STARD13: variants seen among roughly 807,000 people sequenced by gnomAD.
The protein encoded by STARD13 is StAR related lipid transfer domain containing 13.
STARD13 carries 62 observed loss-of-function variants against 106.4 expected under a neutral mutation model. The ratio of observed to expected loss-of-function variants is 0.58; its 90% CI spans 0.48 to 0.72. STARD13 has a LOEUF of 0.72. Among genes scored for constraint, STARD13 ranks in the 30% least tolerant of loss-of-function variants. The probability of loss-of-function intolerance (pLI) is 0.00; values close to 1 mark genes in which losing one functional copy is unlikely to be tolerated. For missense variants in STARD13, 1,387 were observed against 1,424.0 expected (o/e 0.97, Z 0.42); for synonymous variants, 565 against 553.0 (o/e 1.02, Z -0.31).
At chr13:33,653,618 G>A in the STARD13 span, among the ~76,000 whole-genome samples, 2 of 151,956 alleles carry the variant, frequency 1.3e-5, no homozygotes, top group Admixed American at 6.6e-5. Flanking sequence ...GGCCAATTAG[G>A]CACTAGTTTC....
chr13:33,464,096 A>G, the STARD13 span, among the ~76,000 whole-genome samples: 1 of 149,864 alleles, frequency 6.7e-6, no homozygotes, highest in Non-Finnish European at 1.5e-5. Context: ...TAGAAGATCA[A>G]TGGTGACTGA....
intron 1 of STARD13, among the ~76,000 whole-genome samples, chr13:33,177,148 A>T (rs1001044694): frequency 1.3e-5 from 2 of 152,240 alleles, no homozygotes; most frequent in African/African-American, 4.8e-5. Context: ...GGAATATGAC[A>T]ACTTTTACTA....
the STARD13 span, among the ~76,000 whole-genome samples, chr13:33,497,941 G>A: frequency 6.6e-6 from 1 of 152,152 alleles, no homozygotes; most frequent in African/African-American, 2.4e-5. Flanking sequence ...ATACAGACAT[G>A]CAAAACTCTG....
intron 1 of STARD13, among the ~76,000 whole-genome samples, chr13:33,245,359 G>A (rs1056224128): frequency 6.6e-6 from 1 of 152,296 alleles, no homozygotes; most frequent in Non-Finnish European, 1.5e-5. Context: ...TTACATTCTC[G>A]CAGGAATGTT....
intron 1 of STARD13, among the ~76,000 whole-genome samples, chr13:33,213,413 A>G (rs1181370262): frequency 2.0e-5 from 3 of 152,216 alleles, no homozygotes; most frequent in Admixed American, 2.0e-4. Context: ...AAAATTAACT[A>G]TGTTCACAAG....
intron 1 of STARD13, among the ~76,000 whole-genome samples, chr13:33,168,369 A>T (rs1282671738): frequency 6.6e-6 from 1 of 152,080 alleles, no homozygotes; most frequent in Non-Finnish European, 1.5e-5. Context: ...TTTGGTGTGG[A>T]TGCACCAACA....
chr13:33,422,998 G>A, the STARD13 span, among the ~76,000 whole-genome samples: 1 of 152,134 alleles, frequency 6.6e-6, no homozygotes, highest in Non-Finnish European at 1.5e-5. Context: ...AACCCTAGAA[G>A]AAAACCTAGG....
At chr13:33,489,800 C>T in the STARD13 span, among the ~76,000 whole-genome samples, 27 of 152,122 alleles carry the variant, frequency 1.8e-4, no homozygotes, top group Non-Finnish European at 3.7e-4. Flanking sequence ...TTTATCTCTG[C>T]CCATTTTGCA....
intron 1 of STARD13, among the ~76,000 whole-genome samples, chr13:33,325,515 A>AT (rs916112280): frequency 4.0e-4 from 61 of 151,950 alleles, no homozygotes; most frequent in Middle Eastern, 6.8e-3. Context: ...ACTTTAAAGA[A>AT]TTTTTTTTTA....
At chr13:33,457,816 C>A in the STARD13 span, among the ~76,000 whole-genome samples, 1 of 152,140 alleles carries the variant, frequency 6.6e-6, no homozygotes. Context: ...CCTCCTAAAG[C>A]CCCCACCTCC....
At chr13:33,373,061 GCC>G in the STARD13 span, among the ~76,000 whole-genome samples, 1 of 152,054 alleles carries the variant, frequency 6.6e-6, no homozygotes, top group Non-Finnish European at 1.5e-5. Flanking sequence ...TATGCTACAA[GCC>G]CTAACAAAAC....
chr13:33,170,335 A>G (rs1051476837), intron 1 of STARD13, among the ~76,000 whole-genome samples: 4 of 151,900 alleles, frequency 2.6e-5, no homozygotes, highest in African/African-American at 9.7e-5. Flanking sequence ...TGAAAACAAC[A>G]CTCCTTTTGG....
At chr13:33,210,741 T>C (rs929572096) in intron 1 of STARD13, among the ~76,000 whole-genome samples, 2 of 152,178 alleles carry the variant, frequency 1.3e-5, no homozygotes, top group Non-Finnish European at 2.9e-5. Context: ...CTTGAGCAAA[T>C]AGGGTGCGAT....
At chr13:33,613,010 G>C in the STARD13 span, among the ~76,000 whole-genome samples, 5 of 152,298 alleles carry the variant, frequency 3.3e-5, no homozygotes, top group East Asian at 9.6e-4. Flanking sequence ...GTGGTATTAA[G>C]TTTGAGTTGA....
chr13:33,371,222 C>G, the STARD13 span, among the ~76,000 whole-genome samples: 1 of 152,166 alleles, frequency 6.6e-6, no homozygotes, highest in African/African-American at 2.4e-5. Context: ...GAGGTCAGCA[C>G]TTGTTTTTTC....
At chr13:33,585,161 C>A in the STARD13 span, among the ~76,000 whole-genome samples, 8 of 152,210 alleles carry the variant, frequency 5.3e-5, no homozygotes, top group East Asian at 1.2e-3. Context: ...GAAAATGAAC[C>A]CTTGCGCACT....
At chr13:33,480,598 T>C in the STARD13 span, among the ~76,000 whole-genome samples, 1,681 of 152,264 alleles carry the variant, frequency 0.011, 31 homozygotes, top group African/African-American at 0.038. Context: ...AAGACAGATA[T>C]ATGATTACAG....
the STARD13 span, among the ~76,000 whole-genome samples, chr13:33,649,120 C>A: frequency 2.0e-5 from 3 of 152,064 alleles, no homozygotes; most frequent in Non-Finnish European, 2.9e-5. Flanking sequence ...GAGACTTGGA[C>A]CTAATTTGAA....
chr13:33,382,592 A>C, the STARD13 span, among the ~76,000 whole-genome samples: 1 of 152,216 alleles, frequency 6.6e-6, no homozygotes, highest in Non-Finnish European at 1.5e-5. Context: ...AATGTTAAGT[A>C]AACAAATAAA....
Sources: allele counts gnomAD v4.1 joint callset (sites outside exome capture counted in the v4.1 genomes callset), GRCh38; gene constraint gnomAD v4.1.1; transcripts MANE v1.5; gene names NCBI Gene and HGNC (gene_info 2026-07-23, HGNC 2026-07-21).